The following SLC24A2 variants were observed in gnomAD, a reference collection of about 807,000 sequenced individuals.
SLC24A2 encodes the protein solute carrier family 24 member 2.
SLC24A2 carries 36 observed loss-of-function variants against 62.0 expected under a neutral mutation model. That is an observed-to-expected ratio of 0.58 (90% confidence interval 0.44 to 0.77). SLC24A2 has a LOEUF of 0.77. SLC24A2 is among the 30% of genes least tolerant of loss of function. SLC24A2 has a pLI of 0.00. For missense variants in SLC24A2, 846 were observed against 817.9 expected (o/e 1.03, Z -0.42); for synonymous variants, 358 against 294.0 (o/e 1.22, Z -2.23).
the SLC24A2 span, among the ~76,000 whole-genome samples, chr9:19,811,329 T>C: frequency 1.3e-5 from 2 of 152,196 alleles, no homozygotes; most frequent in South Asian, 4.1e-4. Flanking sequence ...ACCCAGTCTA[T>C]GGTACTTTGT....
intron 8 of SLC24A2, among the ~76,000 whole-genome samples, chr9:19,532,081 T>C (rs1332703057): frequency 2.0e-5 from 3 of 152,032 alleles, no homozygotes; most frequent in Non-Finnish European, 2.9e-5. Context: ...CCATATACTT[T>C]ATTTATTTAT....
the SLC24A2 span, among the ~76,000 whole-genome samples, chr9:19,825,087 A>G: frequency 6.6e-6 from 1 of 152,142 alleles, no homozygotes; most frequent in African/African-American, 2.4e-5. Context: ...TAAAACCTAG[A>G]TGATGGATTG....
intron 2 of SLC24A2, among the ~76,000 whole-genome samples, chr9:19,782,602 A>G (rs1030075385): frequency 6.6e-6 from 1 of 152,230 alleles, no homozygotes; most frequent in Non-Finnish European, 1.5e-5. Flanking sequence ...TCAAGGATTC[A>G]CTGGAGCAAG....
At chr9:20,038,001 G>T in the SLC24A2 span, among the ~76,000 whole-genome samples, 1 of 152,208 alleles carries the variant, frequency 6.6e-6, no homozygotes, top group African/African-American at 2.4e-5. Flanking sequence ...CATCAGAATT[G>T]GGAGGGTTTG....
At chr9:20,128,147 T>C in the SLC24A2 span, among the ~76,000 whole-genome samples, 1 of 152,066 alleles carries the variant, frequency 6.6e-6, no homozygotes, top group Non-Finnish European at 1.5e-5. Context: ...TAAGTCTTTA[T>C]GGTGAAAGAA....
chr9:19,611,271 G>A (rs1386049627), intron 4 of SLC24A2, among the ~76,000 whole-genome samples: 1 of 151,766 alleles, frequency 6.6e-6, no homozygotes, highest in Non-Finnish European at 1.5e-5. Context: ...GAAATGACAT[G>A]TGAGAGAAAA....
chr9:20,074,309 C>T, the SLC24A2 span, among the ~76,000 whole-genome samples: 1 of 152,058 alleles, frequency 6.6e-6, no homozygotes, highest in South Asian at 2.1e-4. Context: ...CAATTAAGCA[C>T]TAATACTCTG....
chr9:19,636,326 T>TCTTTTC (rs1818336900), intron 2 of SLC24A2, among the ~76,000 whole-genome samples: 1 of 26,874 alleles, frequency 3.7e-5, no homozygotes, highest in Non-Finnish European at 7.3e-5. Context: ...TTTCTTTCTT[T>TCTTTTC]CTTTCTTTCT....
chr9:19,792,259 A>G (rs144025111), upstream of SLC24A2, among the ~76,000 whole-genome samples: 7 of 152,304 alleles, frequency 4.6e-5, no homozygotes, highest in African/African-American at 1.7e-4. Context: ...TTTATATTTT[A>G]TAATTTCAGG....
chr9:19,920,765 A>G, the SLC24A2 span, among the ~76,000 whole-genome samples: 5 of 152,188 alleles, frequency 3.3e-5, no homozygotes, highest in Non-Finnish European at 7.3e-5. Context: ...ACGACACAAC[A>G]GTGAGTTCTA....
chr9:19,624,317 C>T (rs1474027786), intron 2 of SLC24A2, among the ~76,000 whole-genome samples: 2 of 151,964 alleles, frequency 1.3e-5, no homozygotes, highest in East Asian at 3.9e-4. Flanking sequence ...TGACACAGAA[C>T]ATGAAGGAAC....
chr9:20,110,136 C>A, the SLC24A2 span, among the ~76,000 whole-genome samples: 11 of 152,040 alleles, frequency 7.2e-5, no homozygotes, highest in Non-Finnish European at 1.2e-4. Flanking sequence ...GAGCCCACAG[C>A]GGAAGAAATT....
chr9:19,643,974 T>C (rs1818573124), intron 2 of SLC24A2, among the ~76,000 whole-genome samples: 1 of 152,252 alleles, frequency 6.6e-6, no homozygotes, highest in Admixed American at 6.5e-5. Flanking sequence ...ATTTCTCTTA[T>C]TTGTAAAAGT....
chr9:19,624,781 T>C (rs148264174), intron 2 of SLC24A2, among the ~76,000 whole-genome samples: 12 of 152,254 alleles, frequency 7.9e-5, no homozygotes, highest in African/African-American at 2.9e-4. Flanking sequence ...GTAGCCCTGT[T>C]GCAAAAGAGA....
chr9:20,292,477 T>C, the SLC24A2 span, among the ~76,000 whole-genome samples: 1 of 152,220 alleles, frequency 6.6e-6, no homozygotes, highest in Non-Finnish European at 1.5e-5. Flanking sequence ...TCATAATAAA[T>C]AGTTCAGAAA....
At chr9:19,952,104 T>A in the SLC24A2 span, among the ~76,000 whole-genome samples, 2 of 152,044 alleles carry the variant, frequency 1.3e-5, no homozygotes, top group Non-Finnish European at 2.9e-5. Flanking sequence ...GAGTTGCTTT[T>A]AAATCTTAAT....
the SLC24A2 span, among the ~76,000 whole-genome samples, chr9:20,301,380 A>G: frequency 6.6e-6 from 1 of 152,210 alleles, no homozygotes; most frequent in Non-Finnish European, 1.5e-5. Context: ...AAAAAATGTA[A>G]AAGAAAATAA....
chr9:19,829,990 A>C, the SLC24A2 span, among the ~76,000 whole-genome samples: 1 of 151,844 alleles, frequency 6.6e-6, no homozygotes, highest in Non-Finnish European at 1.5e-5. Flanking sequence ...AGGAAGAGTA[A>C]ATAAATACAA....
At chr9:19,828,442 A>G in the SLC24A2 span, among the ~76,000 whole-genome samples, 1 of 152,216 alleles carries the variant, frequency 6.6e-6, no homozygotes, top group East Asian at 1.9e-4. Flanking sequence ...TTATTTACCC[A>G]TAATAATTCA....
Sources: gnomAD v4.1 joint callset for allele counts (sites outside exome capture counted in the v4.1 genomes callset) on GRCh38, gnomAD v4.1.1 for gene constraint, MANE v1.5 for transcripts, NCBI Gene and HGNC (gene_info 2026-07-23, HGNC 2026-07-21) for gene names.